The following TG variants were observed in gnomAD, a reference collection of about 807,000 sequenced individuals.
The protein encoded by TG is thyroid hormones.
In TG, 270 loss-of-function variants were observed where a neutral mutation model predicts 324.7. That is an observed-to-expected ratio of 0.83 (90% CI 0.75 to 0.92). The LOEUF is 0.92. Ranked by LOEUF, TG falls within the 40% of genes least tolerant of loss-of-function variation. The probability of loss-of-function intolerance (pLI) is 0.00; values close to 1 mark genes in which losing one functional copy is unlikely to be tolerated. For missense variants in TG, 3,591 were observed against 3,456.4 expected (o/e 1.04, Z -0.98); for synonymous variants, 1,401 against 1,327.0 (o/e 1.06, Z -1.21).
Position 132,886,945 on chromosome 8 carries a change from G to A in TG, c.1573G>A (p.Gly525Arg), listed in dbSNP as rs140232663. Residue 525 changes from glycine to arginine, a missense_variant, in exon 9 of 48, where the codon GGA becomes AGA. Physicochemically the swap from Gly to Arg is moderately radical, Grantham distance 125 (BLOSUM62 -2). Coordinates refer to ENST00000220616, the MANE Select transcript of TG (RefSeq NM_003235.5). ...QEDLAKPLSV[G>R]LDSNSSTGTP... ...AGATTTGGCCAAGCCACTCTCTGTGGGATTAGATTCAAATTCTTCCACAGG... is the reference window on the plus strand; with the variant it reads ...AGATTTGGCCAAGCCACTCTCTGTGAGATTAGATTCAAATTCTTCCACAGG... The A allele has an allele frequency of 5.0e-4, 812 of 1,614,120 alleles. 5 individuals carry two copies. In the Middle Eastern group the frequency reaches 5.8e-3, roughly 11 times the overall value.
At chr8:133,029,030 C>T (rs866120975) in intron 40 of TG, among the ~76,000 whole-genome samples, 12 of 151,912 alleles carry the variant, frequency 7.9e-5, no homozygotes, top group African/African-American at 2.7e-4. Context: ...AGTGCAAAGT[C>T]AGAAAGGAAG....
chr8:132,902,182 A>G (rs1818020663), intron 16 of TG, among the ~76,000 whole-genome samples: 1 of 152,208 alleles, frequency 6.6e-6, no homozygotes, highest in African/African-American at 2.4e-5. Context: ...GAGACATTAC[A>G]AAATACTTAT....
intron 35 of TG, among the ~76,000 whole-genome samples, chr8:132,985,497 T>C (rs1564039771): frequency 1.3e-5 from 2 of 152,166 alleles, no homozygotes; most frequent in Non-Finnish European, 2.9e-5. Flanking sequence ...CACTACCCTT[T>C]TACAATTTTC....
At chr8:132,923,197 GA>G in intron 21 of TG, 140 bp from the exon 22 acceptor site, 1 of 948,616 alleles carries the variant, frequency 1.1e-6, no homozygotes, top group Admixed American at 2.0e-5. Context: ...AGAACAGTGG[GA>G]ACACTGAAGA....
intron 46 of TG, 108 bp from the exon 47 acceptor site, chr8:133,133,362 G>T: frequency 8.7e-7 from 1 of 1,153,002 alleles, no homozygotes. Context: ...GACACCTACA[G>T]ATACATGAAT....
Position 133,022,087 on chromosome 8 carries a change from G to A in TG, c.6973G>A (p.Val2325Ile). 1 of 1,614,198 alleles carries A rather than the reference G, an allele frequency of 6.2e-7. No individual in the cohort carries two copies. The highest frequency in any genetic ancestry group is 8.5e-7 in the Non-Finnish European group (1 of 1,180,042). Reference protein sequence around the residue: ...PAIDGSFLAAVGNLIVVTASY... With the variant: ...PAIDGSFLAAIGNLIVVTASY... ...TATCGACGGCTCCTTCTTGGCTGCT[G>A]TTGGCAACCTCATCGTGGTCACTGC... is the stretch of plus-strand genomic sequence containing the variant. The change falls in exon 40 of 48, where the codon GTT becomes ATT. Residue 2325 changes from valine to isoleucine, a missense_variant. Val to Ile is a conservative substitution (Grantham distance 29). Transcript: ENST00000220616.
intron 43 of TG, among the ~76,000 whole-genome samples, chr8:133,100,009 T>A (rs749770559): frequency 1.2e-4 from 18 of 152,310 alleles, no homozygotes; most frequent in Middle Eastern, 6.8e-3. Flanking sequence ...TCCAGTGGCC[T>A]CCTCTCATGC....
At chr8:132,986,025 G>T (rs574300755) in intron 35 of TG, among the ~76,000 whole-genome samples, 4 of 152,056 alleles carry the variant, frequency 2.6e-5, no homozygotes, top group Admixed American at 1.3e-4. Context: ...ACTTTTTAAC[G>T]TTTAATGAAA....
chr8:133,065,287 A>T (rs1246065590), intron 41 of TG, among the ~76,000 whole-genome samples: 3 of 152,202 alleles, frequency 2.0e-5, no homozygotes, highest in East Asian at 1.9e-4. Context: ...TATAGCTGAG[A>T]TAAATTAAGT....
intron 32 of TG, among the ~76,000 whole-genome samples, chr8:132,971,068 G>A (rs993876256): frequency 1.3e-5 from 2 of 152,170 alleles, no homozygotes; most frequent in African/African-American, 2.4e-5. Flanking sequence ...ACGAATGAGT[G>A]GTCAGACTGG....
At chr8:132,957,970 C>G (rs1827177182) in intron 27 of TG, among the ~76,000 whole-genome samples, 1 of 152,130 alleles carries the variant, frequency 6.6e-6, no homozygotes, top group South Asian at 2.1e-4. Flanking sequence ...CCCCAAAGTC[C>G]ATTGTATTAT....
intron 41 of TG, chr8:133,063,830 G>T (rs1012342591): frequency 4.6e-5 from 7 of 152,194 alleles, no homozygotes; most frequent in African/African-American, 7.2e-5. Flanking sequence ...ATCTGAAAGA[G>T]GCTTTTATTT....
Position 133,019,671 on chromosome 8 carries a change from C to T in TG, c.6852C>T (p.Leu2284=). ...GAGTCAGTGAAGATTGTTTGTATCT[C>T]AATGTGTTCATCCCTCAGAATGTGG... The part of the protein sequence containing the change: ...SPGVSEDCLY[L]NVFIPQNVAP... Residue 2284 remains leucine (L), a synonymous_variant, in exon 39 of 48, where the codon CTC becomes CTT. Transcript: ENST00000220616. The T allele has an allele frequency of 6.2e-7, 1 of 1,613,390 alleles. No homozygotes were observed.
intron 8 of TG, among the ~76,000 whole-genome samples, chr8:132,885,109 G>GA (rs903423648): frequency 7.1e-6 from 1 of 140,018 alleles, no homozygotes; most frequent in African/African-American, 2.5e-5. Context: ...GAATCAAGAG[G>GA]AAAAAAATAT....
At chr8:133,111,995 C>G (rs1000926869) in intron 43 of TG, among the ~76,000 whole-genome samples, 20 of 152,174 alleles carry the variant, frequency 1.3e-4, no homozygotes, top group African/African-American at 4.6e-4. Context: ...GGGCTGTGTT[C>G]ACCCAGGAGT....
chr8:133,082,519 C>T (rs984020567), intron 41 of TG, among the ~76,000 whole-genome samples: 7 of 152,170 alleles, frequency 4.6e-5, no homozygotes, highest in Non-Finnish European at 8.8e-5. Flanking sequence ...TCCTGATAAT[C>T]GACTAGCTTG....
At chr8:133,102,809 G>A in intron 43 of TG, 2 of 470,220 alleles carry the variant, frequency 4.3e-6, no homozygotes, top group Non-Finnish European at 7.8e-6. Flanking sequence ...CTCCAAGGAA[G>A]GCGAGAAAAA....
In TG at chr8:133,109,334, C is replaced by T. The variant is rs9774265; in HGVS notation, c.7573-4088C>T. On this transcript the variant is annotated intron_variant, in intron 43 of 47. Coordinates refer to ENST00000220616, the MANE Select transcript of TG (RefSeq NM_003235.5). ...TTATCAAGATTTCAGTCTACTTTAA[C>T]GCTTATTGGATTAAAAAGCATGTGT... 9.7e-3 allele frequency among the ~76,000 whole-genome samples: 1,480 copies of T among 152,250 alleles called. 20 individuals carry two copies. The highest frequency in any genetic ancestry group is 0.034 in the African/African-American group (1,414 of 41,520).
intron 40 of TG, among the ~76,000 whole-genome samples, chr8:133,028,486 C>A (rs16904806): frequency 0.28 from 42,526 of 152,180 alleles, 6,193 homozygotes; most frequent in Non-Finnish European, 0.31. Context: ...CTAAGAGCAT[C>A]AGCAACATAA....
Sources: allele counts gnomAD v4.1 joint callset (sites outside exome capture counted in the v4.1 genomes callset), GRCh38; gene constraint gnomAD v4.1.1; transcripts MANE v1.5; gene names NCBI Gene and HGNC (gene_info 2026-07-23, HGNC 2026-07-21).